CALN1: variants seen among roughly 807,000 people sequenced by gnomAD.
CALN1 encodes the protein calneuron 1.
In CALN1, 17 loss-of-function variants were observed where a neutral mutation model predicts 30.6. The observed-to-expected ratio is 0.56, with a 90% CI of 0.38 to 0.83. CALN1 has a LOEUF of 0.83. CALN1 is among the 40% of genes least tolerant of loss of function. The probability of loss-of-function intolerance (pLI) is 0.00; values close to 1 mark genes in which losing one functional copy is unlikely to be tolerated. For missense variants in CALN1, 291 were observed against 354.9 expected, an observed-to-expected ratio of 0.82 and a Z score of 1.45; for synonymous variants, 156 against 131.4, an observed-to-expected ratio of 1.19 and a Z score of -1.28.
chr7:71,888,432 CGA>C (rs113040770), intron 5 of CALN1, among the ~76,000 whole-genome samples: 6 of 128,368 alleles, frequency 4.7e-5, no homozygotes, highest in African/African-American at 6.0e-5. Flanking sequence ...AAGCCATTAT[CGA>C]GAGAGAGAGA....
At chr7:72,274,811 T>C (rs764037564) in intron 3 of CALN1, among the ~76,000 whole-genome samples, 2 of 152,168 alleles carry the variant, frequency 1.3e-5, no homozygotes, top group Non-Finnish European at 2.9e-5. Context: ...AATGACTGTC[T>C]CCATCAATCC....
intron 2 of CALN1, among the ~76,000 whole-genome samples, chr7:72,402,121 T>C (rs552859955): frequency 5.3e-5 from 8 of 152,282 alleles, no homozygotes; most frequent in South Asian, 2.1e-4. Flanking sequence ...CAGCTTTACA[T>C]TGTCCTATTC....
intron 3 of CALN1, among the ~76,000 whole-genome samples, chr7:72,121,280 T>C (rs1274667114): frequency 7.1e-6 from 1 of 141,844 alleles, no homozygotes. Flanking sequence ...TATTATATAA[T>C]AATATATAAA....
At chr7:71,964,851 C>T (rs745453178) in intron 5 of CALN1, among the ~76,000 whole-genome samples, 2 of 152,096 alleles carry the variant, frequency 1.3e-5, no homozygotes, top group African/African-American at 2.4e-5. Flanking sequence ...TCTTCCAATA[C>T]TGACCAATGT....
chr7:71,854,994 A>G (rs1281681748), intron 5 of CALN1, among the ~76,000 whole-genome samples: 1 of 152,196 alleles, frequency 6.6e-6, no homozygotes, highest in African/African-American at 2.4e-5. Context: ...GAACTGTGAA[A>G]AGCTCTGTGC....
chr7:72,211,040 C>G (rs957996951), intron 3 of CALN1, among the ~76,000 whole-genome samples: 3 of 152,016 alleles, frequency 2.0e-5, no homozygotes, highest in South Asian at 4.2e-4. Context: ...GATGACAGAG[C>G]AAGACCCTAT....
At chr7:72,220,274 G>A (rs1462711383) in intron 3 of CALN1, among the ~76,000 whole-genome samples, 1 of 144,650 alleles carries the variant, frequency 6.9e-6, no homozygotes, top group Non-Finnish European at 1.5e-5. Context: ...TCCCACCTAT[G>A]AGTGAGAACA....
intron 3 of CALN1, among the ~76,000 whole-genome samples, chr7:72,109,503 AT>A (rs758555566): frequency 6.6e-6 from 1 of 152,180 alleles, no homozygotes; most frequent in Non-Finnish European, 1.5e-5. Context: ...CATCAATGGT[AT>A]AGAAACAAAT....
intron 3 of CALN1, among the ~76,000 whole-genome samples, chr7:72,194,130 T>A (rs1051690208): frequency 6.6e-6 from 1 of 152,226 alleles, no homozygotes; most frequent in African/African-American, 2.4e-5. Context: ...AGTATTATAA[T>A]CTTGCAGAAT....
At chr7:72,501,869 A>C in the CALN1 span, among the ~76,000 whole-genome samples, 1 of 139,704 alleles carries the variant, frequency 7.2e-6, no homozygotes, top group Non-Finnish European at 1.5e-5. Flanking sequence ...AGATCATGCC[A>C]CTGCACTCCA....
intron 5 of CALN1, among the ~76,000 whole-genome samples, chr7:71,929,058 C>A (rs1303110828): frequency 6.6e-6 from 1 of 152,102 alleles, no homozygotes; most frequent in African/African-American, 2.4e-5. Context: ...GGTCTGGCTA[C>A]TTCCACTTAG....
rs1173558344 is a variant in CALN1, at chr7:72,323,074, T to A, written c.120-44264A>T. On this transcript the variant is annotated intron_variant, in intron 2 of 6. Coordinates refer to ENST00000395275, the MANE Select transcript of CALN1 (RefSeq NM_031468.4). ...ACCACACAGAAAAAAAAAAAAAAAATTCCTGACCAGGGACAGGAGAATATG... is the reference window on the plus strand; with the variant it reads ...ACCACACAGAAAAAAAAAAAAAAAAATCCTGACCAGGGACAGGAGAATATG... 1.3e-4 allele frequency among the ~76,000 whole-genome samples: 18 copies of A among 143,868 alleles called. 1 individual carries two copies. The East Asian group carries it at 1.9e-3, about 15-fold the overall frequency. 94.4% of individuals were successfully genotyped at this position (143,868 alleles called of 152,430 possible). A position where few individuals can be genotyped will look rare whatever the true frequency, so the allele number is the denominator to read the frequency against.
At chr7:72,077,913 C>T (rs778441891) in intron 4 of CALN1, among the ~76,000 whole-genome samples, 4 of 152,298 alleles carry the variant, frequency 2.6e-5, no homozygotes, top group Non-Finnish European at 5.9e-5. Context: ...CATCGAGGCT[C>T]CTCCTGCCCC....
At chr7:72,332,303 C>G (rs1336294388) in intron 2 of CALN1, among the ~76,000 whole-genome samples, 1 of 151,818 alleles carries the variant, frequency 6.6e-6, no homozygotes, top group African/African-American at 2.4e-5. Flanking sequence ...AAATTAAGGA[C>G]AGTTTATGCA....
At chr7:72,099,125 G>A (rs979176508) in intron 4 of CALN1, among the ~76,000 whole-genome samples, 4 of 152,154 alleles carry the variant, frequency 2.6e-5, no homozygotes, top group Non-Finnish European at 5.9e-5. Context: ...AAGAAGACTG[G>A]TGTGTGGGCC....
At chr7:71,932,233 TACAGTGATCATA>T (rs1795592205) in intron 5 of CALN1, among the ~76,000 whole-genome samples, 1 of 152,248 alleles carries the variant, frequency 6.6e-6, no homozygotes, top group African/African-American at 2.4e-5. Context: ...CAGGCTGGAG[TACAGTGATCATA>T]GCTCACTGCA....
At chr7:72,463,284 G>A in the CALN1 span, among the ~76,000 whole-genome samples, 1 of 152,138 alleles carries the variant, frequency 6.6e-6, no homozygotes, top group African/African-American at 2.4e-5. Flanking sequence ...ACCACACCTG[G>A]CTAATTTCTG....
chr7:72,161,975 C>G lies in CALN1; in HGVS notation c.245-55681G>C, dbSNP rs566263369. Among the ~76,000 whole-genome samples, 4 of 151,138 alleles carry G rather than the reference C, an allele frequency of 2.6e-5. No individual in the cohort carries two copies. In the South Asian group the frequency reaches 8.4e-4, roughly 32 times the overall value. On this transcript the variant is annotated intron_variant, in intron 3 of 6. Transcript: ENST00000395275. ...TTCTTGTAATGTCATGGAGGCAAATCTAGGAACTGAATGATATAATACTTT... is the reference window on the plus strand; with the variant it reads ...TTCTTGTAATGTCATGGAGGCAAATGTAGGAACTGAATGATATAATACTTT...
At chr7:72,369,816 T>C (rs1305292803) in intron 2 of CALN1, among the ~76,000 whole-genome samples, 1 of 152,244 alleles carries the variant, frequency 6.6e-6, no homozygotes, top group African/African-American at 2.4e-5. Flanking sequence ...AATGGTTTTC[T>C]GAGTCGTATT....
Sources: allele counts gnomAD v4.1 joint callset (sites outside exome capture counted in the v4.1 genomes callset), GRCh38; gene constraint gnomAD v4.1.1; transcripts MANE v1.5; gene names NCBI Gene and HGNC (gene_info 2026-07-23, HGNC 2026-07-21).